The following PHKB variants were observed in gnomAD, a reference collection of about 807,000 sequenced individuals.
PHKB encodes phosphorylase kinase regulatory subunit beta.
PHKB carries 122 observed loss-of-function variants against 152.1 expected under a neutral mutation model. That is an observed-to-expected ratio of 0.80 (90% confidence interval 0.69 to 0.93). The LOEUF (loss-of-function observed/expected upper bound fraction) is 0.93, where lower values mean the gene tolerates loss of function less well. Among genes scored for constraint, PHKB ranks in the 40% least tolerant of loss-of-function variants. PHKB has a pLI of 0.00. For synonymous variants in PHKB, 436 were observed against 464.9 expected, an observed-to-expected ratio of 0.94 and a Z score of 0.80; for missense variants, 1,304 against 1,328.4, an observed-to-expected ratio of 0.98 and a Z score of 0.29.
intron 7 of PHKB, among the ~76,000 whole-genome samples, chr16:47,558,405 T>A (rs981555014): frequency 6.6e-6 from 1 of 152,020 alleles, no homozygotes; most frequent in Admixed American, 6.6e-5. Flanking sequence ...AAAATAAATT[T>A]AAAAAAATGT....
intron 6 of PHKB, among the ~76,000 whole-genome samples, chr16:47,532,804 ACGT>A (rs1446469236): frequency 6.6e-5 from 10 of 152,260 alleles, no homozygotes; most frequent in Non-Finnish European, 1.3e-4. Context: ...GGCAAGGGGC[ACGT>A]TTCAGCCCTA....
At chr16:47,473,496 ATTAT>A (rs1203017387) in intron 1 of PHKB, among the ~76,000 whole-genome samples, 1 of 151,738 alleles carries the variant, frequency 6.6e-6, no homozygotes, top group Non-Finnish European at 1.5e-5. Context: ...TTTTTATTTT[ATTAT>A]TTGTTACCTT....
intron 26 of PHKB, among the ~76,000 whole-genome samples, chr16:47,687,869 A>G (rs1284261152): frequency 6.6e-6 from 1 of 152,190 alleles, no homozygotes; most frequent in Admixed American, 6.5e-5. Context: ...GGCCTGGCCC[A>G]TCAGGCCTGG....
intron 1 of PHKB, among the ~76,000 whole-genome samples, chr16:47,487,022 T>C (rs1450460752): frequency 2.0e-5 from 3 of 152,190 alleles, no homozygotes; most frequent in Admixed American, 2.0e-4. Context: ...GTTGCTCAGT[T>C]CCCAAAATTA....
At chr16:47,639,055 G>A (rs944050878) in intron 14 of PHKB, among the ~76,000 whole-genome samples, 23 of 152,050 alleles carry the variant, frequency 1.5e-4, no homozygotes, top group Admixed American at 1.1e-3. Flanking sequence ...TGGGCAGATC[G>A]CTTGAGCCCA....
chr16:47,580,580 A>G (rs867073835), intron 8 of PHKB, among the ~76,000 whole-genome samples: 1 of 150,808 alleles, frequency 6.6e-6, no homozygotes, highest in Middle Eastern at 3.2e-3. Flanking sequence ...AAAAAAGAAA[A>G]TTTTTTTTGA....
chr16:47,676,353 TG>T (rs962159853), intron 26 of PHKB: 2 of 152,226 alleles, frequency 1.3e-5, no homozygotes, highest in African/African-American at 2.4e-5. Flanking sequence ...CTTGGCTTTT[TG>T]CTATTGTTTC....
rs55915748 is a variant in PHKB at position 47,486,702 on chromosome 16, G to A, written c.77-10697G>A. Among the ~76,000 whole-genome samples the A allele has an allele frequency of 7.2e-3, 1,096 of 152,230 alleles. 14 individuals are homozygous for A. Among genetic ancestry groups the A allele is most frequent in the African/African-American group, 0.025 (1,020 of 41,524 alleles). ...AGTACCCGGAATATACAAACCTCAT[G>A]GAACTATGGGACTCTTTGACCTCTA... On this transcript the variant is annotated intron_variant, in intron 1 of 30. Coordinates refer to ENST00000323584, the MANE Select transcript of PHKB (RefSeq NM_000293.3).
At chr16:47,617,841 T>C (rs904980191) in intron 14 of PHKB, among the ~76,000 whole-genome samples, 13 of 152,226 alleles carry the variant, frequency 8.5e-5, no homozygotes, top group East Asian at 3.8e-4. Context: ...AAGACTCTTA[T>C]CACCCTTGCC....
At position 47,663,753 on chromosome 16, in the gene PHKB, G is replaced by T. The variant is rs758214785; in HGVS notation, c.2336+19G>T. 51 of 1,383,018 alleles carry T rather than the reference G, an allele frequency of 3.7e-5. No homozygotes were observed. Among genetic ancestry groups the T allele is most frequent in the Non-Finnish European group, 4.9e-5 (48 of 969,728 alleles). The allele number at this position is 1,383,018 out of a possible 1,614,324, so 85.7% of individuals were successfully genotyped here. On this transcript the variant is annotated intron_variant, in intron 24 of 30. Coordinates refer to ENST00000323584, the MANE Select transcript of PHKB (RefSeq NM_000293.3). ...AACTTTGGTTTGTATTAGTGTCCTT[G>T]TTGTTATGTTTTATTTTTGTGTTGT...
chr16:47,570,352 T>A (rs1438654068), intron 7 of PHKB, among the ~76,000 whole-genome samples: 1 of 152,244 alleles, frequency 6.6e-6, no homozygotes, highest in Non-Finnish European at 1.5e-5. Flanking sequence ...AAAGTTTTTG[T>A]CAGTTATTCC....
chr16:47,573,456 T>A (rs1971697090), intron 7 of PHKB, among the ~76,000 whole-genome samples: 1 of 152,164 alleles, frequency 6.6e-6, no homozygotes, highest in East Asian at 1.9e-4. Context: ...GAACTGCCTC[T>A]GTTGCATAAA....
At chr16:47,563,183 A>G (rs1971504990) in intron 7 of PHKB, among the ~76,000 whole-genome samples, 1 of 151,072 alleles carries the variant, frequency 6.6e-6, no homozygotes. Flanking sequence ...TCCTGTTAGT[A>G]TTGACATTTT....
At chr16:47,587,815 T>C (rs1435101405) in intron 9 of PHKB, 52 bp downstream of exon 9, 1 of 1,254,976 alleles carries the variant, frequency 8.0e-7, no homozygotes, top group Non-Finnish European at 1.2e-6. Context: ...TTATGATTTC[T>C]ATGTAGTTAT....
chr16:47,547,732 T>G, intron 7 of PHKB, 184 bp downstream of exon 7: 2 of 559,704 alleles, frequency 3.6e-6, no homozygotes, highest in Admixed American at 3.0e-5. Flanking sequence ...TCAGTACCCA[T>G]AAACAGATGC....
At chr16:47,592,156 T>C (rs1259021675) in intron 10 of PHKB, among the ~76,000 whole-genome samples, 1 of 152,206 alleles carries the variant, frequency 6.6e-6, no homozygotes, top group Non-Finnish European at 1.5e-5. Context: ...GGTTGTCATC[T>C]TTTCTCTTTG....
At chr16:47,689,258 T>TTCATA in intron 27 of PHKB, 83 bp downstream of exon 27, 1 of 1,352,944 alleles carries the variant, frequency 7.4e-7, no homozygotes, top group Non-Finnish European at 1.1e-6. Context: ...TCTATGAAAT[T>TTCATA]GATAAGATAT....
chr16:47,590,293 T>C (rs1413759329), intron 10 of PHKB: 2 of 151,644 alleles, frequency 1.3e-5, no homozygotes. Context: ...TTTTTTTTTT[T>C]TTTTTTAATA....
Position 47,700,173 on chromosome 16 carries a change from A to T in PHKB, c.*807A>T, listed in dbSNP as rs1368242906. ...AGACCAGCCCAGCCAACATGGTGAA[A>T]ACCCTGTCTCTACTAAAAATACAAA... On this transcript the variant is annotated 3_prime_UTR_variant, in exon 31 of 31. Coordinates refer to ENST00000323584, the MANE Select transcript of PHKB (RefSeq NM_000293.3). 6 of 152,056 alleles carry T rather than the reference A, an allele frequency of 3.9e-5. No homozygotes were observed. The highest frequency in any genetic ancestry group is 6.6e-5 in the Admixed American group (1 of 15,258). The allele number at this position is 152,056 out of a possible 1,614,324, so 9.4% of individuals were successfully genotyped here. A position where few individuals can be genotyped will look rare whatever the true frequency, so the allele number is the denominator to read the frequency against.
Sources: gnomAD v4.1 joint callset for allele counts (sites outside exome capture counted in the v4.1 genomes callset) on GRCh38, gnomAD v4.1.1 for gene constraint, MANE v1.5 for transcripts, NCBI Gene and HGNC (gene_info 2026-07-23, HGNC 2026-07-21) for gene names.